LRRIQ1: variants seen among roughly 807,000 people sequenced by gnomAD.
LRRIQ1 encodes leucine rich repeats and IQ motif containing 1, also known as leucine-rich repeat- and IQ domain-containing protein 1.
In LRRIQ1, 210 loss-of-function variants were observed where a neutral mutation model predicts 211.9. The ratio of observed to expected loss-of-function variants is 0.99; its 90% CI spans 0.89 to 1.11. The LOEUF (loss-of-function observed/expected upper bound fraction) is 1.11. Ranked by LOEUF, LRRIQ1 falls within the 50% of genes most tolerant of loss-of-function variation. LRRIQ1 has a pLI of 0.00. For missense variants in LRRIQ1, 2,136 were observed against 1,939.5 expected (o/e 1.10, Z -1.90); for synonymous variants, 699 against 650.1 (o/e 1.08, Z -1.14).
intron 14 of LRRIQ1, among the ~76,000 whole-genome samples, chr12:85,105,770 A>G (rs1047383244): frequency 5.4e-5 from 8 of 147,488 alleles, no homozygotes; most frequent in Non-Finnish European, 1.2e-4. Context: ...ATTTTAGGAC[A>G]GGTCATTTTA....
chr12:85,092,898 T>C (rs1316652527), intron 11 of LRRIQ1, among the ~76,000 whole-genome samples: 1 of 152,168 alleles, frequency 6.6e-6, no homozygotes, highest in Admixed American at 6.5e-5. Context: ...ATGACATTTG[T>C]CATGAAGTTT....
chr12:85,174,892 T>C (rs1891614673), intron 24 of LRRIQ1, among the ~76,000 whole-genome samples: 2 of 151,884 alleles, frequency 1.3e-5, no homozygotes, highest in Non-Finnish European at 2.9e-5. Context: ...TGGCCCATAT[T>C]TGAAAAATGT....
chr12:85,069,277 T>A (rs548600746), intron 10 of LRRIQ1, among the ~76,000 whole-genome samples: 14 of 152,150 alleles, frequency 9.2e-5, no homozygotes, highest in African/African-American at 3.1e-4. Context: ...AACCCATCAT[T>A]TTTTATGGCT....
chr12:85,183,292 T>C (rs1439244713), intron 24 of LRRIQ1, among the ~76,000 whole-genome samples: 1 of 152,154 alleles, frequency 6.6e-6, no homozygotes, highest in Non-Finnish European at 1.5e-5. Context: ...GGATTAATTT[T>C]CTTCTATCAC....
chr12:85,225,803 C>T (rs1304595252), intron 24 of LRRIQ1, among the ~76,000 whole-genome samples: 1 of 152,136 alleles, frequency 6.6e-6, no homozygotes, highest in Non-Finnish European at 1.5e-5. Flanking sequence ...TCCAGGTCAC[C>T]CTTATTCTTC....
At chr12:85,163,507 A>G (rs974444756) in intron 24 of LRRIQ1, among the ~76,000 whole-genome samples, 17 of 152,228 alleles carry the variant, frequency 1.1e-4, no homozygotes, top group African/African-American at 4.1e-4. Flanking sequence ...CTGCTTGACT[A>G]TTGCTTTCCA....
chr12:85,061,575 G>A (rs1881809598), intron 8 of LRRIQ1, among the ~76,000 whole-genome samples: 1 of 151,710 alleles, frequency 6.6e-6, no homozygotes, highest in South Asian at 2.1e-4. Context: ...ATAGTTGATT[G>A]AAAGCAACAT....
chr12:85,196,180 T>G (rs1036654483), intron 24 of LRRIQ1, among the ~76,000 whole-genome samples: 2 of 151,806 alleles, frequency 1.3e-5, no homozygotes, highest in African/African-American at 4.8e-5. Context: ...TAAAAGAGGA[T>G]ACAAACAAAT....
rs188459456 is a variant in LRRIQ1 at position 85,197,708 on chromosome 12, C to T, written c.4823-31809C>T. Among the ~76,000 whole-genome samples the T allele has an allele frequency of 7.5e-3, 1,137 of 151,094 alleles. 15 individuals are homozygous for T. The highest frequency in any genetic ancestry group is 0.025 in the African/African-American group (1,041 of 41,108). On this transcript the variant is annotated intron_variant, in intron 24 of 26. Transcript: ENST00000393217. ...TGGTGGGAGTGGGGAGGGATAGCAT[C>T]GGGAGATATACCTAATGCTAGATGA...
chr12:85,105,672 G>C (rs189147294), intron 14 of LRRIQ1, among the ~76,000 whole-genome samples: 124 of 151,936 alleles, frequency 8.2e-4, no homozygotes, highest in African/African-American at 3.0e-3. Context: ...TTCCTTTAAA[G>C]GATGATAAGT....
intron 24 of LRRIQ1, among the ~76,000 whole-genome samples, chr12:85,172,698 TA>T (rs1340084638): frequency 6.6e-6 from 1 of 152,004 alleles, no homozygotes; most frequent in Non-Finnish European, 1.5e-5. Context: ...ATGTGAGTAA[TA>T]ATGAGAAAGC....
downstream of LRRIQ1, among the ~76,000 whole-genome samples, chr12:85,248,651 A>G (rs1895806073): frequency 6.6e-6 from 1 of 151,718 alleles, no homozygotes; most frequent in East Asian, 1.9e-4. Flanking sequence ...TAGTCTTTTT[A>G]ATATGGTATT....
intron 4 of LRRIQ1, 91 bp from the exon 5 acceptor site, chr12:85,045,929 A>G: frequency 1.7e-6 from 1 of 582,838 alleles, no homozygotes; most frequent in Non-Finnish European, 2.9e-6. Flanking sequence ...TTCTTGGTAT[A>G]TACATATAAA....
At chr12:85,100,164 G>T (rs1886237969) in intron 13 of LRRIQ1, among the ~76,000 whole-genome samples, 1 of 151,638 alleles carries the variant, frequency 6.6e-6, no homozygotes, top group Admixed American at 6.6e-5. Context: ...TATAAAAGTG[G>T]ACCTCAAGCC....
intron 11 of LRRIQ1, among the ~76,000 whole-genome samples, chr12:85,079,219 T>C (rs1884002264): frequency 6.6e-6 from 1 of 151,738 alleles, no homozygotes; most frequent in African/African-American, 2.4e-5. Context: ...ACCACTAGTT[T>C]AGTGTTCACA....
chr12:85,103,370 C>A (rs1886532247), intron 13 of LRRIQ1, among the ~76,000 whole-genome samples: 1 of 151,430 alleles, frequency 6.6e-6, no homozygotes, highest in South Asian at 2.1e-4. Context: ...TTGTGTTATT[C>A]TGTTCTTATA....
At chr12:85,058,801 T>C (rs769040776) in intron 8 of LRRIQ1, among the ~76,000 whole-genome samples, 1 of 152,030 alleles carries the variant, frequency 6.6e-6, no homozygotes, top group African/African-American at 2.4e-5. Context: ...CCACCCATTC[T>C]CCATTCTTGC....
chr12:85,251,778 A>C (rs969707407), intron 1 of LRRIQ1, among the ~76,000 whole-genome samples: 2 of 94,508 alleles, frequency 2.1e-5, no homozygotes, highest in Non-Finnish European at 3.6e-5. Flanking sequence ...GAAGTGGCGC[A>C]AAAAAAAAAA....
intron 24 of LRRIQ1, among the ~76,000 whole-genome samples, chr12:85,168,255 C>T (rs1891246692): frequency 6.6e-6 from 1 of 152,050 alleles, no homozygotes; most frequent in Admixed American, 6.5e-5. Flanking sequence ...CCTGTAGTTA[C>T]CTACTGACCT....
Sources: gnomAD v4.1 joint callset for allele counts (sites outside exome capture counted in the v4.1 genomes callset) on GRCh38, gnomAD v4.1.1 for gene constraint, MANE v1.5 for transcripts, NCBI Gene and HGNC (gene_info 2026-07-23, HGNC 2026-07-21) for gene names.